Variants in TNRC6B observed in about 807,000 individuals in gnomAD.
TNRC6B encodes trinucleotide repeat-containing gene 6B protein.
In TNRC6B, 52 loss-of-function variants were observed where a neutral mutation model predicts 203.6. That is an observed-to-expected ratio of 0.26 (90% confidence interval 0.20 to 0.32). The LOEUF (loss-of-function observed/expected upper bound fraction) is 0.32. Ranked by LOEUF, TNRC6B falls within the 10% of genes least tolerant of loss-of-function variation. TNRC6B has a pLI of 1.00. For synonymous variants in TNRC6B, 838 were observed against 845.7 expected, an observed-to-expected ratio of 0.99 and a Z score of 0.16; for missense variants, 1,923 against 2,286.2, an observed-to-expected ratio of 0.84 and a Z score of 3.24.
At position 40,323,517 on chromosome 22, in the gene TNRC6B, A is replaced by G. The variant is rs892894415; in HGVS notation, c.*276A>G. The G allele has an allele frequency of 1.2e-5, 4 of 330,938 alleles. No homozygotes were observed. Among genetic ancestry groups the G allele is most frequent in the Non-Finnish European group, 5.5e-6 (1 of 180,804 alleles). 20.5% of individuals were successfully genotyped at this position (330,938 alleles called of 1,614,324 possible). A position where few individuals can be genotyped will look rare whatever the true frequency, so the allele number is the denominator to read the frequency against. ...AACGCCAACCTAGAAAGACAATGTG[A>G]AGCAAGTACACATACCATTTAAATT... On this transcript the variant is annotated 3_prime_UTR_variant, in exon 23 of 23. Transcript: ENST00000454349.
intron 1 of TNRC6B, among the ~76,000 whole-genome samples, chr22:40,217,832 G>A (rs1356264658): frequency 1.3e-5 from 2 of 151,914 alleles, no homozygotes; most frequent in African/African-American, 2.4e-5. Context: ...AAAATTAGCC[G>A]GGCCTGGTTT....
At chr22:40,262,594 T>C (rs2070403473) in intron 4 of TNRC6B, among the ~76,000 whole-genome samples, 2 of 152,200 alleles carry the variant, frequency 1.3e-5, no homozygotes, top group Admixed American at 6.6e-5. Flanking sequence ...CATTGCAATA[T>C]AGAATCTTCG....
At position 40,073,141 on chromosome 22, in the gene TNRC6B, GTTTTTTT is replaced by G. The variant is rs554246963; in HGVS notation, c.-121+28160_-121+28166del. Among the ~76,000 whole-genome samples the G allele has an allele frequency of 9.5e-4, 103 of 108,696 alleles. 1 individual carries two copies. The highest frequency in any genetic ancestry group is 2.8e-3 in the African/African-American group (83 of 29,668). The allele number at this position is 108,696 out of a possible 152,430, so 71.3% of individuals were successfully genotyped here. A position where few individuals can be genotyped will look rare whatever the true frequency, so the allele number is the denominator to read the frequency against. ...CACCCTACACATACATAGGGCCTTG[GTTTTTTT>G]TTTTTTTTTTTTTTTTCCAATCCTT... is the stretch of plus-strand genomic sequence containing the variant. On this transcript the variant is annotated intron_variant, in intron 1 of 23. Coordinates refer to the TNRC6B transcript ENST00000301923.
intron 1 of TNRC6B, among the ~76,000 whole-genome samples, chr22:40,183,334 A>C (rs951940343): frequency 6.6e-6 from 1 of 152,146 alleles, no homozygotes; most frequent in Non-Finnish European, 1.5e-5. Flanking sequence ...GTTCTTTCTC[A>C]TGGCTACCAG....
intron 3 of TNRC6B, among the ~76,000 whole-genome samples, chr22:40,132,953 A>AATT (rs1568992968): frequency 1.2e-5 from 1 of 84,030 alleles, no homozygotes; most frequent in African/African-American, 4.9e-5. Flanking sequence ...CAAAAAAAAA[A>AATT]AAAAAAAAAA....
chr22:40,103,021 G>A (rs561855945), intron 1 of TNRC6B, among the ~76,000 whole-genome samples: 1 of 152,236 alleles, frequency 6.6e-6, no homozygotes, highest in East Asian at 1.9e-4. Context: ...AGGTTGCAGT[G>A]AGCCAAGATC....
In TNRC6B at chr22:40,323,312, T is replaced by G; in HGVS notation, c.*71T>G. ...AGCAGCACTAACTTGACCTTTTCGTTTTTTTTTTCAACTTGCAATAAATAC... is the reference window on the plus strand; with the variant it reads ...AGCAGCACTAACTTGACCTTTTCGTGTTTTTTTTCAACTTGCAATAAATAC... On this transcript the variant is annotated 3_prime_UTR_variant, in exon 23 of 23. Transcript: ENST00000454349. 3.4e-6 allele frequency: 5 copies of G among 1,487,894 alleles called. 1 individual carries two copies. The South Asian group carries it at 5.3e-5, about 16-fold the overall frequency. 92.2% of individuals were successfully genotyped at this position (1,487,894 alleles called of 1,614,324 possible). A position where few individuals can be genotyped will look rare whatever the true frequency, so the allele number is the denominator to read the frequency against.
intron 1 of TNRC6B, among the ~76,000 whole-genome samples, chr22:40,235,506 T>C (rs1328626813): frequency 6.6e-6 from 1 of 152,204 alleles, no homozygotes. Flanking sequence ...ATGCACCTTA[T>C]TGGCATAGCA....
At chr22:40,125,276 G>A (rs2068479922) in intron 2 of TNRC6B, among the ~76,000 whole-genome samples, 1 of 152,170 alleles carries the variant, frequency 6.6e-6, no homozygotes, top group African/African-American at 2.4e-5. Flanking sequence ...AGCCATTATA[G>A]TGTACTTTAA....
Position 40,310,887 on chromosome 22 carries a change from C to G in TNRC6B, c.4329C>G (p.Asp1443Glu). The change falls in exon 17 of 23, where the codon GAC (aspartate) becomes GAG (glutamate). Residue 1443 changes from aspartate (D) to glutamate (E), a missense_variant. By Grantham distance (45) the Asp-to-Glu change is conservative. Coordinates refer to ENST00000454349, the MANE Select transcript of TNRC6B (RefSeq NM_001162501.2). ...PYNQFDIIPGDTLGGHTGPAG... is the reference protein window; with the variant it reads ...PYNQFDIIPGETLGGHTGPAG... ...ACCAGTTTGATATCATCCCTGGTGA[C>G]ACACTGGGTGGCCATACGGGTCCTG... The G allele has an allele frequency of 6.2e-7, 1 of 1,612,414 alleles. No homozygotes were observed. Among genetic ancestry groups the G allele is most frequent in the Non-Finnish European group, 8.5e-7 (1 of 1,179,322 alleles).
At chr22:40,210,069 A>G (rs1164525804) in intron 1 of TNRC6B, among the ~76,000 whole-genome samples, 1 of 151,066 alleles carries the variant, frequency 6.6e-6, no homozygotes, top group African/African-American at 2.4e-5. Context: ...ATACTTGGTG[A>G]CCTGCAAACT....
chr22:40,068,665 C>G (rs937991456), intron 1 of TNRC6B, among the ~76,000 whole-genome samples: 2 of 152,056 alleles, frequency 1.3e-5, no homozygotes, highest in African/African-American at 4.8e-5. Flanking sequence ...ATCTTAGTAA[C>G]TTTTCGTTGT....
intron 1 of TNRC6B, among the ~76,000 whole-genome samples, chr22:40,225,636 G>T (rs974342850): frequency 7.3e-5 from 11 of 151,466 alleles, no homozygotes; most frequent in African/African-American, 2.4e-4. Flanking sequence ...CCAGCTACGC[G>T]GGAGGCTGAG....
chr22:40,264,105 G>A (rs1324669801), intron 4 of TNRC6B, among the ~76,000 whole-genome samples: 2 of 152,226 alleles, frequency 1.3e-5, no homozygotes. Context: ...CACAGTAGGT[G>A]CCAACGTGAA....
chr22:40,270,018 A>G lies in TNRC6B; in HGVS notation c.2807-104A>G, dbSNP rs189649680. Reference sequence around the variant, plus strand: ...GAAAGTTGAATCTATTTACATTTCTACCAACAGAATATAGGCATGCCTGTT... The same window carrying G: ...GAAAGTTGAATCTATTTACATTTCTGCCAACAGAATATAGGCATGCCTGTT... On this transcript the variant is annotated intron_variant, in intron 5 of 22. Transcript: ENST00000454349. 1.1e-4 allele frequency: 121 copies of G among 1,131,908 alleles called. 1 individual carries two copies. In the Admixed American group the frequency reaches 2.4e-3, roughly 23 times the overall value. The allele number at this position is 1,131,908 out of a possible 1,614,324, so 70.1% of individuals were successfully genotyped here.
intron 14 of TNRC6B, 36 bp from the exon 15 acceptor site, chr22:40,301,114 C>G: frequency 6.4e-7 from 1 of 1,553,302 alleles, no homozygotes; most frequent in African/African-American, 1.4e-5. Context: ...AGTTCGGGGC[C>G]GTGCTTATCA....
At chr22:40,050,016 A>G (rs544475930) in intron 1 of TNRC6B, among the ~76,000 whole-genome samples, 2 of 152,274 alleles carry the variant, frequency 1.3e-5, no homozygotes, top group East Asian at 3.9e-4. Context: ...TATAATTTAT[A>G]ATTATAGTTA....
At chr22:40,212,638 C>A (rs964247191) in intron 1 of TNRC6B, among the ~76,000 whole-genome samples, 1 of 151,864 alleles carries the variant, frequency 6.6e-6, no homozygotes, top group African/African-American at 2.4e-5. Flanking sequence ...CTGGGTATTT[C>A]TTTTTTGTTT....
chr22:40,160,175 C>G (rs2068859033), intron 4 of TNRC6B, among the ~76,000 whole-genome samples: 1 of 151,962 alleles, frequency 6.6e-6, no homozygotes, highest in Non-Finnish European at 1.5e-5. Context: ...TACAGTCATT[C>G]TTCTCTAAGA....
Sources: gnomAD v4.1 joint callset for allele counts (sites outside exome capture counted in the v4.1 genomes callset) on GRCh38, gnomAD v4.1.1 for gene constraint, MANE v1.5 for transcripts, NCBI Gene and HGNC (gene_info 2026-07-23, HGNC 2026-07-21) for gene names.